Variants in SH3BGRL2 observed in about 807,000 individuals in gnomAD.
The protein encoded by SH3BGRL2 is SH3 domain binding glutamate rich protein like 2, also known as SH3 domain-binding glutamic acid-rich-like protein 2.
Under a neutral mutation model 14.8 loss-of-function variants are expected in SH3BGRL2, and 21 were observed. The ratio of observed to expected loss-of-function variants is 1.42; its 90% confidence interval spans 1.01 to 2.05. The LOEUF (loss-of-function observed/expected upper bound fraction) is 2.05. Among genes scored for constraint, SH3BGRL2 ranks in the 30% most tolerant of loss-of-function variants. The pLI is 0.00. For missense variants in SH3BGRL2, 147 were observed against 130.8 expected, an observed-to-expected ratio of 1.12 and a Z score of -0.61; for synonymous variants, 50 against 47.8, an observed-to-expected ratio of 1.05 and a Z score of -0.19.
chr6:79,551,301 A>G, the SH3BGRL2 span, among the ~76,000 whole-genome samples: 1 of 152,198 alleles, frequency 6.6e-6, no homozygotes, highest in African/African-American at 2.4e-5. Flanking sequence ...AGCAGTAGAC[A>G]GTATTGCAAT....
At chr6:79,571,194 A>G in the SH3BGRL2 span, among the ~76,000 whole-genome samples, 1 of 152,234 alleles carries the variant, frequency 6.6e-6, no homozygotes, top group Non-Finnish European at 1.5e-5. Flanking sequence ...TCTACAAGGC[A>G]GTGTGTATGG....
At chr6:79,542,658 C>G in the SH3BGRL2 span, among the ~76,000 whole-genome samples, 3 of 151,936 alleles carry the variant, frequency 2.0e-5, no homozygotes, top group South Asian at 2.1e-4. Flanking sequence ...GTAGGTTCTG[C>G]CAAAATGGGG....
chr6:79,618,812 G>A, the SH3BGRL2 span, among the ~76,000 whole-genome samples: 22 of 148,784 alleles, frequency 1.5e-4, no homozygotes, highest in Admixed American at 8.9e-4. Context: ...CCAGCTACTC[G>A]GGAGGCTGAG....
intron 2 of SH3BGRL2, among the ~76,000 whole-genome samples, chr6:79,694,870 TC>T (rs1770300200): frequency 1.3e-5 from 2 of 152,136 alleles, no homozygotes; most frequent in Non-Finnish European, 2.9e-5. Context: ...GCCAAAGTAC[TC>T]CCCTTTTTCC....
At chr6:79,581,879 G>C in the SH3BGRL2 span, among the ~76,000 whole-genome samples, 1 of 152,148 alleles carries the variant, frequency 6.6e-6, no homozygotes, top group African/African-American at 2.4e-5. Flanking sequence ...TGTATATTTA[G>C]AAAACCCCAT....
the SH3BGRL2 span, among the ~76,000 whole-genome samples, chr6:79,586,136 C>T: frequency 6.9e-6 from 1 of 143,988 alleles, no homozygotes; most frequent in East Asian, 2.2e-4. Flanking sequence ...GCGGAGGTTG[C>T]GGTTAGCCAA....
the SH3BGRL2 span, among the ~76,000 whole-genome samples, chr6:79,583,018 A>G: frequency 6.6e-6 from 1 of 152,268 alleles, no homozygotes; most frequent in Non-Finnish European, 1.5e-5. Context: ...TGCAGCCAAC[A>G]GACACAGAAA....
At chr6:79,699,467 T>A in intron 3 of SH3BGRL2, 31 bp from the exon 4 acceptor site, 4 of 911,262 alleles carry the variant, frequency 4.4e-6, no homozygotes, top group Non-Finnish European at 4.2e-6. Flanking sequence ...AACTGACTTT[T>A]TTTTTTTTTT....
At chr6:79,653,786 C>A (rs911950853) in intron 1 of SH3BGRL2, among the ~76,000 whole-genome samples, 3 of 152,184 alleles carry the variant, frequency 2.0e-5, no homozygotes, top group South Asian at 2.1e-4. Context: ...CCAGAGATGG[C>A]AGCAGCAGGT....
intron 1 of SH3BGRL2, among the ~76,000 whole-genome samples, chr6:79,650,907 A>G (rs1769277348): frequency 6.7e-6 from 1 of 148,880 alleles, no homozygotes; most frequent in African/African-American, 2.4e-5. Context: ...AAAATATATA[A>G]GTAATATATA....
At chr6:79,697,317 A>T (rs2127740144) in intron 3 of SH3BGRL2, among the ~76,000 whole-genome samples, 1 of 152,336 alleles carries the variant, frequency 6.6e-6, no homozygotes, top group South Asian at 2.1e-4. Flanking sequence ...AGAGCTAACC[A>T]CATTGACATT....
rs748068445 is a variant in SH3BGRL2, at chr6:79,634,155, ATT to A, written c.45+2651_45+2652del. Among the ~76,000 whole-genome samples the A allele has an allele frequency of 2.1e-3, 322 of 152,322 alleles. 1 individual carries two copies. Among genetic ancestry groups the A allele is most frequent in the Non-Finnish European group, 3.9e-3 (264 of 68,030 alleles). On this transcript the variant is annotated intron_variant, in intron 1 of 3. Transcript: ENST00000369838. ...GATGCTCCGCTTCAATCATCAATAG[ATT>A]TAAACAATCTATTTAGAGAAAATCA...
At chr6:79,605,934 G>A in the SH3BGRL2 span, among the ~76,000 whole-genome samples, 7 of 152,096 alleles carry the variant, frequency 4.6e-5, no homozygotes, top group Non-Finnish European at 8.8e-5. Flanking sequence ...TTCTTTCTGA[G>A]CATTCAACTG....
intron 1 of SH3BGRL2, among the ~76,000 whole-genome samples, chr6:79,659,334 A>C (rs912129224): frequency 1.3e-5 from 2 of 152,140 alleles, no homozygotes; most frequent in Non-Finnish European, 1.5e-5. Flanking sequence ...AAGAAGGGAT[A>C]CAGTTTCAGC....
chr6:79,667,357 G>C (rs1769680199), intron 1 of SH3BGRL2, among the ~76,000 whole-genome samples: 1 of 152,078 alleles, frequency 6.6e-6, no homozygotes, highest in East Asian at 1.9e-4. Context: ...GTTACAATCT[G>C]TTTACGTATC....
chr6:79,683,737 G>A (rs1234360827), intron 2 of SH3BGRL2, among the ~76,000 whole-genome samples: 1 of 152,118 alleles, frequency 6.6e-6, no homozygotes, highest in Non-Finnish European at 1.5e-5. Flanking sequence ...GTGAGCCACC[G>A]TGCTCGGCCG....
chr6:79,585,988 G>A, the SH3BGRL2 span, among the ~76,000 whole-genome samples: 1 of 151,896 alleles, frequency 6.6e-6, no homozygotes, highest in Non-Finnish European at 1.5e-5. Flanking sequence ...CTGAGCTCAG[G>A]AGTTCGAGGC....
chr6:79,695,127 C>T (rs187195658), intron 2 of SH3BGRL2, among the ~76,000 whole-genome samples: 1 of 152,276 alleles, frequency 6.6e-6, no homozygotes, highest in Admixed American at 6.5e-5. Context: ...GCTCCCATCC[C>T]AGTCCTTCAC....
intron 2 of SH3BGRL2, among the ~76,000 whole-genome samples, chr6:79,693,374 G>T: frequency 6.6e-6 from 1 of 151,364 alleles, no homozygotes; most frequent in African/African-American, 2.4e-5. Flanking sequence ...GATTGCCCTG[G>T]CCAGGACTTC....
Sources: allele counts gnomAD v4.1 joint callset (sites outside exome capture counted in the v4.1 genomes callset), GRCh38; gene constraint gnomAD v4.1.1; transcripts MANE v1.5; gene names NCBI Gene and HGNC (gene_info 2026-07-23, HGNC 2026-07-21).